Variants in MBTPS2 observed in about 807,000 individuals in gnomAD.
MBTPS2 encodes membrane-bound transcription factor site-2 protease.
In MBTPS2, 2 loss-of-function variants were observed where a neutral mutation model predicts 35.4. The ratio of observed to expected loss-of-function variants is 0.06; its 90% CI spans 0.02 to 0.18. MBTPS2 has a LOEUF of 0.18. Among genes scored for constraint, MBTPS2 ranks in the 10% least tolerant of loss-of-function variants. The probability of loss-of-function intolerance (pLI) is 1.00; values close to 1 mark genes in which losing one functional copy is unlikely to be tolerated. For synonymous variants in MBTPS2, 125 were observed against 140.4 expected (o/e 0.89, Z 0.77); for missense variants, 244 against 386.5 (o/e 0.63, Z 3.09).
chrX:21,879,320 G>A (rs914264730), intron 9 of MBTPS2, among the ~76,000 whole-genome samples: 4 of 111,171 alleles, frequency 3.6e-5, no homozygotes, highest in African/African-American at 6.6e-5. Context: ...TCACTCTGTC[G>A]CCCAGACTGG....
intron 7 of MBTPS2, among the ~76,000 whole-genome samples, chrX:21,874,115 G>C (rs939498965): frequency 1.1e-4 from 11 of 103,177 alleles, no homozygotes. Flanking sequence ...CTGCCTCCCT[G>C]GTTCAAGCAA....
At chrX:21,851,170 A>G (rs1259862116) in intron 3 of MBTPS2, among the ~76,000 whole-genome samples, 1 of 111,321 alleles carries the variant, frequency 9.0e-6, no homozygotes, top group Non-Finnish European at 1.9e-5. Context: ...CTTCACTGTC[A>G]TCCTGCATTC....
intron 5 of MBTPS2, 127 bp downstream of exon 5, chrX:21,853,630 T>G: frequency 3.1e-6 from 2 of 639,038 alleles, no homozygotes; most frequent in Non-Finnish European, 5.0e-6. Flanking sequence ...CTTCAGTTTA[T>G]AAGACCCCTT....
chrX:21,866,268 A>G (rs751728220), intron 5 of MBTPS2, among the ~76,000 whole-genome samples: 1 of 111,440 alleles, frequency 9.0e-6, no homozygotes, highest in South Asian at 3.7e-4. Context: ...AAAGCAAAAA[A>G]GGCATTCCAT....
chrX:21,849,856 TA>T (rs2092912707), intron 3 of MBTPS2, among the ~76,000 whole-genome samples: 1 of 33,485 alleles, frequency 3.0e-5, no homozygotes, highest in African/African-American at 2.6e-4. Flanking sequence ...CTACTAAAAA[TA>T]CAAAAAAAAA....
Position 21,843,270 on chromosome X carries a change from G to A in MBTPS2, c.176G>A (p.Arg59His), listed in dbSNP as rs761602380. The A allele has an allele frequency of 6.6e-6, 8 of 1,210,798 alleles. No individual in the cohort carries two copies. The highest frequency in any genetic ancestry group is 7.8e-6 in the Non-Finnish European group (7 of 894,788). Reference sequence around the variant, plus strand: ...AGATGGCAAACTGCTGTTTTCAATCGTGCCTTTTACAGTTGGGGACGGCGG... The same window carrying A: ...AGATGGCAAACTGCTGTTTTCAATCATGCCTTTTACAGTTGGGGACGGCGG... ...HIRWQTAVFNRAFYSWGRRKA... is the reference protein window; with the variant it reads ...HIRWQTAVFNHAFYSWGRRKA... Residue 59 changes from arginine to histidine, a missense_variant, in exon 2 of 11, where the codon CGT (arginine) becomes CAT (histidine). Coordinates refer to ENST00000379484, the MANE Select transcript of MBTPS2 (RefSeq NM_015884.4).
rs2092900846 is a variant in MBTPS2 at position 21,839,928 on chromosome X, C to G, written c.75+119C>G. 1.0e-5 allele frequency: 7 copies of G among 686,638 alleles called. No individual in the cohort carries two copies. The Admixed American group carries it at 1.9e-4, about 18-fold the overall frequency. 56.6% of individuals were successfully genotyped at this position (686,638 alleles called of 1,213,427 possible). Reference sequence around the variant, plus strand: ...TGGACGGTGCCCACGTGCGACAGTCCGCGTGGTGGATCGGCCCGGTGGAGT... The same window carrying G: ...TGGACGGTGCCCACGTGCGACAGTCGGCGTGGTGGATCGGCCCGGTGGAGT... On this transcript the variant is annotated intron_variant, in intron 1 of 10. Transcript: ENST00000379484.
At chrX:21,847,344 G>A (rs1016257038) in intron 3 of MBTPS2, among the ~76,000 whole-genome samples, 20 of 111,968 alleles carry the variant, frequency 1.8e-4, no homozygotes, top group Non-Finnish European at 1.5e-4. Context: ...ATAAGTTTAA[G>A]AATGTTATGA....
chrX:21,848,670 A>G (rs895386352), intron 3 of MBTPS2, among the ~76,000 whole-genome samples: 7 of 111,021 alleles, frequency 6.3e-5, no homozygotes, highest in African/African-American at 2.3e-4. Flanking sequence ...ACACAGCGAG[A>G]CTCGTCTCAA....
Position 21,882,977 on chromosome X carries a change from AAAG to A in MBTPS2, c.*323_*325del. ...ATTACATATTGTGTTGAAATAGTAT[AAAG>A]GAGAACAGAACTGGGTGGAATTAAT... On this transcript the variant is annotated 3_prime_UTR_variant, in exon 11 of 11. Coordinates refer to ENST00000379484, the MANE Select transcript of MBTPS2 (RefSeq NM_015884.4). The A allele has an allele frequency of 3.3e-6, 3 of 901,508 alleles. No individual in the cohort carries two copies. The highest frequency in any genetic ancestry group is 4.1e-6 in the Non-Finnish European group (3 of 729,770). The allele number at this position is 901,508 out of a possible 1,213,427, so 74.3% of individuals were successfully genotyped here.
chrX:21,853,022 A>G (rs187116807), intron 4 of MBTPS2, among the ~76,000 whole-genome samples: 1 of 111,307 alleles, frequency 9.0e-6, no homozygotes, highest in Non-Finnish European at 1.9e-5. Context: ...AAAATAGTTC[A>G]GAGTAAACCA....
At chrX:21,862,798 G>A (rs1443779208) in intron 5 of MBTPS2, among the ~76,000 whole-genome samples, 1 of 100,513 alleles carries the variant, frequency 9.9e-6, no homozygotes, top group African/African-American at 3.6e-5. Context: ...GCGACAGAAC[G>A]AGACTCCGTC....
chrX:21,880,861 G>A (rs376531888), intron 9 of MBTPS2, 36 bp from the exon 10 acceptor site: 37 of 936,422 alleles, frequency 4.0e-5, no homozygotes, highest in Non-Finnish European at 5.6e-5. Context: ...TCTCTGGTAT[G>A]AATAATATTT....
At chrX:21,875,525 T>G (rs2092952081) in intron 7 of MBTPS2, among the ~76,000 whole-genome samples, 1 of 112,506 alleles carries the variant, frequency 8.9e-6, no homozygotes. Context: ...AATTCCTGAC[T>G]TCCAATTCTG....
rs1234510199 is a variant in MBTPS2, at chrX:21,882,763, A to G, written c.*108A>G. The G allele has an allele frequency of 8.6e-7, 1 of 1,160,429 alleles. No individual in the cohort carries two copies. On this transcript the variant is annotated 3_prime_UTR_variant, in exon 11 of 11. Transcript: ENST00000379484. ...GTATGAAATATAAAGTGTTTCCTTA[A>G]AATTACATCTTAGCCAACAACCCTG...
At chrX:21,879,949 C>CTTCTTTT (rs2092957272) in intron 9 of MBTPS2, among the ~76,000 whole-genome samples, 1 of 47,425 alleles carries the variant, frequency 2.1e-5, no homozygotes. Flanking sequence ...TTATGTTATT[C>CTTCTTTT]TTTTTTTTTT....
Position 21,845,159 on chromosome X carries a change from C to G in MBTPS2, c.225-12C>G. 8.3e-7 allele frequency: 1 copy of G among 1,208,281 alleles called. No homozygotes were observed. Among genetic ancestry groups the G allele is most frequent in the Admixed American group, 2.2e-5 (1 of 45,970 alleles). On this transcript the variant is annotated splice_polypyrimidine_tract_variant and intron_variant, in intron 2 of 10. Coordinates refer to ENST00000379484, the MANE Select transcript of MBTPS2 (RefSeq NM_015884.4). ...AATTGTAAATTAACATGATTTTTTT[C>G]CCTTTTGACAGGTTCAATTTTGGAA...
At chrX:21,844,509 G>A (rs1328716440) in intron 2 of MBTPS2, among the ~76,000 whole-genome samples, 1 of 111,908 alleles carries the variant, frequency 8.9e-6, no homozygotes, top group East Asian at 2.8e-4. Context: ...GTGGGACCCT[G>A]TCTCAAAAAC....
At chrX:21,856,398 C>T (rs757531705) in intron 5 of MBTPS2, 4 of 1,059,940 alleles carry the variant, frequency 3.8e-6, no homozygotes, top group Non-Finnish European at 5.1e-6. Context: ...GCAGCTCGCC[C>T]CTTCCTCTGC....
Sources: allele counts gnomAD v4.1 joint callset (sites outside exome capture counted in the v4.1 genomes callset), GRCh38; gene constraint gnomAD v4.1.1; transcripts MANE v1.5; gene names NCBI Gene and HGNC (gene_info 2026-07-23, HGNC 2026-07-21).